The following XYLB variants were observed in gnomAD, a reference collection of about 807,000 sequenced individuals.
XYLB encodes xylulokinase, also known as xylulose kinase.
In XYLB, 62 loss-of-function variants were observed where a neutral mutation model predicts 78.7. That is an observed-to-expected ratio of 0.79 (90% CI 0.64 to 0.97). XYLB has a LOEUF of 0.97. XYLB is among the 50% of genes least tolerant of loss of function. The pLI is 0.00. For missense variants in XYLB, 687 were observed against 676.8 expected, an observed-to-expected ratio of 1.02 and a Z score of -0.17; for synonymous variants, 245 against 247.4, an observed-to-expected ratio of 0.99 and a Z score of 0.09.
intron 18 of XYLB, among the ~76,000 whole-genome samples, chr3:38,406,532 T>C (rs2125668322): frequency 6.6e-6 from 1 of 152,248 alleles, no homozygotes; most frequent in East Asian, 1.9e-4. Context: ...CAAAGCTGGA[T>C]GGAGAATGAC....
At chr3:38,393,690 G>A (rs1369978431) in intron 15 of XYLB, among the ~76,000 whole-genome samples, 2 of 152,090 alleles carry the variant, frequency 1.3e-5, no homozygotes, top group East Asian at 3.9e-4. Context: ...CTTGTAGATG[G>A]TCACCTTCTT....
intron 2 of XYLB, among the ~76,000 whole-genome samples, chr3:38,348,878 C>T (rs1261041330): frequency 1.3e-5 from 2 of 152,172 alleles, no homozygotes; most frequent in Non-Finnish European, 2.9e-5. Context: ...GGTGCTAGGA[C>T]CTGATGGCGA....
chr3:38,378,366 T>A (rs1357780987), intron 14 of XYLB, among the ~76,000 whole-genome samples: 1 of 152,238 alleles, frequency 6.6e-6, no homozygotes, highest in Non-Finnish European at 1.5e-5. Context: ...TTGGTGGCCC[T>A]TGCTCCCCAG....
intron 2 of XYLB, chr3:38,355,880 A>G: frequency 4.4e-6 from 3 of 684,030 alleles, no homozygotes; most frequent in Non-Finnish European, 8.0e-6. Context: ...AGGAGAAAGA[A>G]ACTTCAGCTG....
intron 11 of XYLB, 88 bp from the exon 12 acceptor site, chr3:38,375,056 A>G: frequency 9.7e-7 from 1 of 1,030,026 alleles, no homozygotes; most frequent in East Asian, 2.6e-5. Context: ...TGACAGGGTT[A>G]AGGTGGGTGG....
the XYLB span, among the ~76,000 whole-genome samples, chr3:38,426,677 A>T: frequency 6.6e-6 from 1 of 152,226 alleles, no homozygotes; most frequent in Non-Finnish European, 1.5e-5. Context: ...GCAAATGTGG[A>T]TCGCGAATCC....
chr3:38,355,270 C>T (rs1336234812), intron 2 of XYLB, among the ~76,000 whole-genome samples: 2 of 152,184 alleles, frequency 1.3e-5, no homozygotes, highest in Non-Finnish European at 2.9e-5. Context: ...AACTTCTTCC[C>T]CTAAGAGCCA....
At chr3:38,439,786 G>A in the XYLB span, among the ~76,000 whole-genome samples, 4 of 152,044 alleles carry the variant, frequency 2.6e-5, no homozygotes, top group African/African-American at 4.8e-5. Context: ...AGTTTGAAAG[G>A]CATTGTCTGA....
downstream of XYLB, among the ~76,000 whole-genome samples, chr3:38,425,834 T>C (rs1438953314): frequency 2.0e-5 from 3 of 152,194 alleles, no homozygotes; most frequent in Admixed American, 6.5e-5. Context: ...TTCCTGCTTG[T>C]AGTGGGTCAT....
intron 9 of XYLB, among the ~76,000 whole-genome samples, chr3:38,371,019 C>T (rs1706528285): frequency 6.6e-6 from 1 of 152,124 alleles, no homozygotes. Context: ...CACCCTGAGG[C>T]CTGGAGGGAG....
rs192835458 is a variant in XYLB at position 38,402,882 on chromosome 3, G to A, written c.1533+1897G>A. Among the ~76,000 whole-genome samples, 926 of 151,906 alleles carry A rather than the reference G, an allele frequency of 6.1e-3. 5 individuals carry two copies. The highest frequency in any genetic ancestry group is 0.021 in the African/African-American group (882 of 41,378). On this transcript the variant is annotated intron_variant, in intron 18 of 18. Coordinates refer to ENST00000207870, the MANE Select transcript of XYLB (RefSeq NM_005108.4). ...GCCACATATGTCATTTAAAATATTC[G>A]GTTGCCTCATTTTTTAAAGTAAAAG... is the stretch of plus-strand genomic sequence containing the variant.
chr3:38,391,825 C>T lies in XYLB; in HGVS notation c.1292-3680C>T, dbSNP rs530270038. ...ATTCTGCTAAACATTCTACAATATA[C>T]GGGACGATCCCTCACAAAAAGAATT... On this transcript the variant is annotated intron_variant, in intron 15 of 18. Coordinates refer to ENST00000207870, the MANE Select transcript of XYLB (RefSeq NM_005108.4). Among the ~76,000 whole-genome samples, 9 of 152,284 alleles carry T rather than the reference C, an allele frequency of 5.9e-5. No homozygotes were observed. The South Asian group carries it at 6.2e-4, about 11-fold the overall frequency.
In XYLB at chr3:38,360,990, G is replaced by A. The variant is rs1299591194; in HGVS notation, c.210+582G>A. ...GTGGAGGTTGCAGTGAGCTGAGACTGCACCATTGCACTCCAGCCTGGATAA... is the reference window on the plus strand; with the variant it reads ...GTGGAGGTTGCAGTGAGCTGAGACTACACCATTGCACTCCAGCCTGGATAA... On this transcript the variant is annotated intron_variant, in intron 3 of 18. Coordinates refer to ENST00000207870, the MANE Select transcript of XYLB (RefSeq NM_005108.4). 2.6e-5 allele frequency among the ~76,000 whole-genome samples: 4 copies of A among 152,124 alleles called. No homozygotes were observed. The East Asian group carries it at 7.7e-4, about 29-fold the overall frequency.
At chr3:38,377,510 C>T (rs1337541210) in intron 14 of XYLB, among the ~76,000 whole-genome samples, 11 of 150,290 alleles carry the variant, frequency 7.3e-5, no homozygotes, top group Admixed American at 2.7e-4. Context: ...TGCAGCGGGA[C>T]GATCTCGGCT....
chr3:38,433,153 G>A, the XYLB span, among the ~76,000 whole-genome samples: 1 of 152,230 alleles, frequency 6.6e-6, no homozygotes, highest in Non-Finnish European at 1.5e-5. Context: ...ACACCATGTG[G>A]AAGCTGCCAA....
rs184014380 is a variant in XYLB at position 38,387,170 on chromosome 3, G to C, written c.1291+7828G>C. On this transcript the variant is annotated intron_variant, in intron 15 of 18. Transcript: ENST00000207870. Reference sequence around the variant, plus strand: ...GATTCACTGAGCTTCTTGGATCTGTGGGTTAATGTCTTCCATCAATTTTGG... The same window carrying C: ...GATTCACTGAGCTTCTTGGATCTGTCGGTTAATGTCTTCCATCAATTTTGG... Among the ~76,000 whole-genome samples the C allele has an allele frequency of 1.1e-3, 166 of 152,134 alleles. 1 individual carries two copies. The highest frequency in any genetic ancestry group is 3.9e-3 in the African/African-American group (162 of 41,494).
intron 15 of XYLB, 55 bp downstream of exon 15, chr3:38,379,397 C>T: frequency 6.4e-7 from 1 of 1,563,920 alleles, no homozygotes; most frequent in Non-Finnish European, 8.8e-7. Flanking sequence ...GGCCAGCTCA[C>T]TCGCAGGGGC....
At chr3:38,355,776 G>C (rs1050788899) in intron 2 of XYLB, 2 of 703,532 alleles carry the variant, frequency 2.8e-6, no homozygotes, top group African/African-American at 3.5e-5. Context: ...ACATGACAGA[G>C]CCACCATCAA....
In XYLB at chr3:38,354,797, C is replaced by T. The variant is rs547010809; in HGVS notation, c.141-5542C>T. ...GGGATTACAGGCGTGAGCCACCACA[C>T]CCAGCCTGTTGTTAATATTTTTATT... On this transcript the variant is annotated intron_variant, in intron 2 of 18. Transcript: ENST00000207870. 2.0e-5 allele frequency among the ~76,000 whole-genome samples: 3 copies of T among 152,340 alleles called. No individual in the cohort carries two copies. In the South Asian group the frequency reaches 6.2e-4, roughly 32 times the overall value.
Sources: gnomAD v4.1 joint callset for allele counts (sites outside exome capture counted in the v4.1 genomes callset) on GRCh38, gnomAD v4.1.1 for gene constraint, MANE v1.5 for transcripts, NCBI Gene and HGNC (gene_info 2026-07-23, HGNC 2026-07-21) for gene names.